The following PTPRD variants were observed in gnomAD, a reference collection of about 807,000 sequenced individuals.
PTPRD encodes the protein receptor-type tyrosine-protein phosphatase delta.
A neutral mutation model predicts 214.5 loss-of-function variants in PTPRD; 34 were observed. That is an observed-to-expected ratio of 0.16 (90% confidence interval 0.12 to 0.21). The LOEUF is 0.21. Among genes scored for constraint, PTPRD ranks in the 10% least tolerant of loss-of-function variants. The pLI, the probability that PTPRD is intolerant of heterozygous loss-of-function variation, is 1.00. For synonymous variants in PTPRD, 1,128 were observed against 845.7 expected, an observed-to-expected ratio of 1.33 and a Z score of -5.79; for missense variants, 2,545 against 2,398.7, an observed-to-expected ratio of 1.06 and a Z score of -1.27.
At chr9:9,147,563 T>C (rs2099870800) in intron 10 of PTPRD, among the ~76,000 whole-genome samples, 2 of 152,218 alleles carry the variant, frequency 1.3e-5, no homozygotes, top group East Asian at 1.9e-4. Flanking sequence ...AAAAATTATA[T>C]GAAATTCAAA....
At chr9:10,427,174 C>T (rs1178512113) in intron 2 of PTPRD, among the ~76,000 whole-genome samples, 1 of 151,948 alleles carries the variant, frequency 6.6e-6, no homozygotes, top group Admixed American at 6.6e-5. Flanking sequence ...ACTTTAACAG[C>T]TATGACAGCA....
intron 35 of PTPRD, among the ~76,000 whole-genome samples, chr9:8,424,942 T>A (rs918579181): frequency 5.9e-5 from 9 of 152,216 alleles, no homozygotes; most frequent in African/African-American, 2.2e-4. Context: ...ATGGAAAGAC[T>A]AATGTTTCCC....
At chr9:10,020,207 A>C (rs1314398061) in intron 4 of PTPRD, among the ~76,000 whole-genome samples, 3 of 152,242 alleles carry the variant, frequency 2.0e-5, no homozygotes, top group Non-Finnish European at 4.4e-5. Context: ...TTTTATTTGG[A>C]CATTGTTTTC....
chr9:9,611,570 A>T (rs2094516396), intron 7 of PTPRD, among the ~76,000 whole-genome samples: 1 of 152,086 alleles, frequency 6.6e-6, no homozygotes, highest in Admixed American at 6.6e-5. Flanking sequence ...TATGACTATA[A>T]ACATAGTCAT....
chr9:8,453,409 C>A (rs1394239446), intron 33 of PTPRD, among the ~76,000 whole-genome samples: 1 of 152,180 alleles, frequency 6.6e-6, no homozygotes, highest in Non-Finnish European at 1.5e-5. Context: ...TGTGATCCAC[C>A]CGCCTCAGCC....
chr9:9,248,784 C>A (rs1489852994), intron 9 of PTPRD, among the ~76,000 whole-genome samples: 1 of 152,048 alleles, frequency 6.6e-6, no homozygotes, highest in Admixed American at 6.6e-5. Context: ...AGGCACAATT[C>A]TATCAAAGAT....
intron 9 of PTPRD, among the ~76,000 whole-genome samples, chr9:9,185,662 C>A (rs926446093): frequency 1.1e-4 from 17 of 152,040 alleles, no homozygotes; most frequent in African/African-American, 4.1e-4. Context: ...AGTAGAAAAT[C>A]CTCAGGCTCT....
intron 9 of PTPRD, among the ~76,000 whole-genome samples, chr9:9,200,390 C>A (rs960926906): frequency 4.6e-5 from 7 of 152,168 alleles, no homozygotes; most frequent in Non-Finnish European, 8.8e-5. Context: ...CAGGAAAATT[C>A]TTCTCTCTTC....
intron 5 of PTPRD, among the ~76,000 whole-genome samples, chr9:9,906,582 A>G (rs2077625885): frequency 1.3e-5 from 2 of 151,984 alleles, no homozygotes; most frequent in Non-Finnish European, 2.9e-5. Flanking sequence ...CCTATGACAC[A>G]TTTATTTAAG....
intron 10 of PTPRD, among the ~76,000 whole-genome samples, chr9:9,024,422 T>C (rs549914531): frequency 2.0e-5 from 3 of 148,248 alleles, no homozygotes; most frequent in Non-Finnish European, 4.5e-5. Context: ...GCATGAATCA[T>C]GATTAATTCC....
intron 5 of PTPRD, among the ~76,000 whole-genome samples, chr9:9,767,104 G>A (rs1176547835): frequency 6.6e-6 from 1 of 151,364 alleles, no homozygotes; most frequent in East Asian, 1.9e-4. Flanking sequence ...GTTCCTTTAT[G>A]TCTTAAAATA....
chr9:10,097,529 GCT>G lies in PTPRD; in HGVS notation c.-544-63741_-544-63740del, dbSNP rs567739812. 4.2e-3 allele frequency among the ~76,000 whole-genome samples: 639 copies of G among 151,306 alleles called. 6 individuals carry two copies. The highest frequency in any genetic ancestry group is 0.014 in the African/African-American group (558 of 41,174). On this transcript the variant is annotated intron_variant, in intron 3 of 45. Coordinates refer to ENST00000381196, the MANE Select transcript of PTPRD (RefSeq NM_002839.4). Reference sequence around the variant, plus strand: ...TGAATGGGAGTTCACTCATGATTTGGCTCTCTGTTTGTCTGTTATTGGTGTAT... The same window carrying G: ...TGAATGGGAGTTCACTCATGATTTGGCTCTGTTTGTCTGTTATTGGTGTAT...
chr9:8,628,930 A>G (rs2096147883), intron 14 of PTPRD, among the ~76,000 whole-genome samples: 1 of 151,830 alleles, frequency 6.6e-6, no homozygotes, highest in Non-Finnish European at 1.5e-5. Context: ...CCAGTTCCCT[A>G]TAAATAGATA....
chr9:9,897,366 AAG>A (rs1259861386), intron 5 of PTPRD, among the ~76,000 whole-genome samples: 1 of 152,062 alleles, frequency 6.6e-6, no homozygotes, highest in Non-Finnish European at 1.5e-5. Context: ...CACTTCCACC[AAG>A]AGTTTTTAAA....
chr9:10,329,180 AATG>A (rs1167027978), intron 3 of PTPRD, among the ~76,000 whole-genome samples: 1 of 151,772 alleles, frequency 6.6e-6, no homozygotes, highest in Non-Finnish European at 1.5e-5. Flanking sequence ...CAAAATATTC[AATG>A]ATAAGGTCTT....
intron 5 of PTPRD, among the ~76,000 whole-genome samples, chr9:9,892,445 G>C (rs1352089007): frequency 6.6e-6 from 1 of 151,992 alleles, no homozygotes; most frequent in Non-Finnish European, 1.5e-5. Flanking sequence ...GTAGATCTAG[G>C]GCACAGTGAG....
intron 43 of PTPRD, among the ~76,000 whole-genome samples, chr9:8,337,069 A>G (rs1293773767): frequency 6.6e-6 from 1 of 152,138 alleles, no homozygotes; most frequent in African/African-American, 2.4e-5. Flanking sequence ...AACCAGAAAT[A>G]CCATTTGACC....
At chr9:9,289,746 A>C (rs1247254879) in intron 9 of PTPRD, among the ~76,000 whole-genome samples, 1 of 151,776 alleles carries the variant, frequency 6.6e-6, no homozygotes, top group Admixed American at 6.6e-5. Flanking sequence ...TTCACTTTAC[A>C]TAACGTCTCA....
At chr9:9,069,314 T>C in intron 10 of PTPRD, among the ~76,000 whole-genome samples, 1 of 152,112 alleles carries the variant, frequency 6.6e-6, no homozygotes, top group East Asian at 1.9e-4. Flanking sequence ...AAAAAAAGTA[T>C]AAAGAAGAAA....
Sources: gnomAD v4.1 joint callset for allele counts (sites outside exome capture counted in the v4.1 genomes callset) on GRCh38, gnomAD v4.1.1 for gene constraint, MANE v1.5 for transcripts, NCBI Gene and HGNC (gene_info 2026-07-23, HGNC 2026-07-21) for gene names.